Variants in GNAQ observed in about 807,000 individuals in gnomAD.
The protein encoded by GNAQ is guanine nucleotide-binding protein G(q) subunit alpha.
Under a neutral mutation model 43.9 loss-of-function variants are expected in GNAQ, and 8 were observed. That is an observed-to-expected ratio of 0.18 (90% CI 0.11 to 0.33). The LOEUF (loss-of-function observed/expected upper bound fraction) is 0.33, where lower values mean the gene tolerates loss of function less well. Ranked by LOEUF, GNAQ falls within the 10% of genes least tolerant of loss-of-function variation. The pLI, the probability that GNAQ is intolerant of heterozygous loss-of-function variation, is 1.00. For missense variants in GNAQ, 158 were observed against 450.8 expected (o/e 0.35, Z 5.88); for synonymous variants, 155 against 170.7 (o/e 0.91, Z 0.71).
At chr9:77,972,534 A>G (rs1283964804) in intron 1 of GNAQ, among the ~76,000 whole-genome samples, 4 of 152,224 alleles carry the variant, frequency 2.6e-5, no homozygotes, top group Admixed American at 1.3e-4. Context: ...TTTCCATAAT[A>G]AGTAAGTACT....
chr9:77,931,923 G>C (rs114858446), intron 1 of GNAQ, among the ~76,000 whole-genome samples: 1,543 of 146,980 alleles, frequency 0.01, 20 homozygotes, highest in African/African-American at 0.035. Flanking sequence ...AAAAATGAGA[G>C]AGTAGTCTGA....
intron 6 of GNAQ, among the ~76,000 whole-genome samples, chr9:77,723,795 G>A (rs964609757): frequency 9.2e-5 from 14 of 152,112 alleles, no homozygotes; most frequent in Non-Finnish European, 2.1e-4. Context: ...GGAAGGAAAT[G>A]GGGTGTTGCT....
intron 5 of GNAQ, among the ~76,000 whole-genome samples, chr9:77,792,084 A>G (rs1308422502): frequency 6.6e-6 from 1 of 152,152 alleles, no homozygotes; most frequent in Non-Finnish European, 1.5e-5. Context: ...TTTTGACAGT[A>G]CTTCCTAATT....
chr9:77,982,810 G>A (rs980223127), intron 1 of GNAQ, among the ~76,000 whole-genome samples: 6 of 151,384 alleles, frequency 4.0e-5, no homozygotes, highest in South Asian at 4.2e-4. Flanking sequence ...GTGGGGAGAG[G>A]GGGGAGGGAT....
chr9:77,745,689 G>C (rs1025509146), intron 5 of GNAQ, among the ~76,000 whole-genome samples: 6 of 150,572 alleles, frequency 4.0e-5, no homozygotes, highest in Non-Finnish European at 4.4e-5. Flanking sequence ...TCAGGAAGTA[G>C]AAAAAGCAAT....
chr9:77,899,441 G>C (rs1015737041), intron 2 of GNAQ, among the ~76,000 whole-genome samples: 25 of 152,068 alleles, frequency 1.6e-4, no homozygotes, highest in African/African-American at 6.0e-4. Context: ...GTGTGTCTGT[G>C]TGTGTGTGTA....
At chr9:77,975,198 T>C (rs528547605) in intron 1 of GNAQ, among the ~76,000 whole-genome samples, 48 of 152,212 alleles carry the variant, frequency 3.2e-4, no homozygotes, top group Non-Finnish European at 2.8e-4. Flanking sequence ...AAAATTGTAT[T>C]GCAGCAAACG....
At chr9:77,893,456 C>G (rs1175882327) in intron 2 of GNAQ, among the ~76,000 whole-genome samples, 1 of 152,156 alleles carries the variant, frequency 6.6e-6, no homozygotes, top group East Asian at 1.9e-4. Context: ...CACCCTTTTC[C>G]CGGAAAACTC....
intron 5 of GNAQ, among the ~76,000 whole-genome samples, chr9:77,776,640 T>G (rs1475066924): frequency 6.6e-6 from 1 of 152,132 alleles, no homozygotes; most frequent in African/African-American, 2.4e-5. Context: ...CAACAACAGT[T>G]TGAGACTTCA....
intron 2 of GNAQ, among the ~76,000 whole-genome samples, chr9:77,899,227 G>T (rs1828553291): frequency 6.6e-6 from 1 of 152,058 alleles, no homozygotes; most frequent in African/African-American, 2.4e-5. Context: ...CTCCCGAGTA[G>T]CTAGGATTAC....
chr9:77,964,580 A>C (rs1823143898), intron 1 of GNAQ, among the ~76,000 whole-genome samples: 2 of 152,142 alleles, frequency 1.3e-5, no homozygotes, highest in South Asian at 2.1e-4. Context: ...AGTCATATAA[A>C]ATATGGTCTC....
intron 2 of GNAQ, among the ~76,000 whole-genome samples, chr9:77,878,040 A>G (rs1437158017): frequency 6.6e-6 from 1 of 152,150 alleles, no homozygotes. Context: ...GTGTTCCATG[A>G]AGATAGAACA....
At chr9:77,855,891 T>G (rs919405752) in intron 2 of GNAQ, among the ~76,000 whole-genome samples, 4 of 152,324 alleles carry the variant, frequency 2.6e-5, no homozygotes, top group Middle Eastern at 3.4e-3. Context: ...AATTTAGTTC[T>G]TATATTTTAT....
In GNAQ at chr9:77,730,981, G is replaced by C. The variant is rs142114469; in HGVS notation, c.736-2314C>G. 7.2e-5 allele frequency among the ~76,000 whole-genome samples: 11 copies of C among 152,276 alleles called. No homozygotes were observed. In the East Asian group the frequency reaches 2.1e-3, roughly 29 times the overall value. ...CTTTTTAACCCCTTACTTATAACTA[G>C]AGAAATTCTAGAAAGTCATGCTGTG... On this transcript the variant is annotated intron_variant, in intron 5 of 6. Transcript: ENST00000286548.
chr9:77,730,893 TAAAA>T (rs1049566413), intron 5 of GNAQ, among the ~76,000 whole-genome samples: 1 of 151,786 alleles, frequency 6.6e-6, no homozygotes, highest in Non-Finnish European at 1.5e-5. Context: ...CTGAAATAAT[TAAAA>T]AAAAATTTAA....
At chr9:77,755,507 A>T (rs1050585146) in intron 5 of GNAQ, among the ~76,000 whole-genome samples, 40 of 152,264 alleles carry the variant, frequency 2.6e-4, no homozygotes, top group Non-Finnish European at 4.1e-4. Context: ...TAATTTTTTT[A>T]AAAAAAGAAA....
intron 2 of GNAQ, among the ~76,000 whole-genome samples, chr9:77,909,650 T>G (rs535199739): frequency 6.6e-6 from 1 of 151,804 alleles, no homozygotes; most frequent in African/African-American, 2.4e-5. Context: ...TCCTTTCAGT[T>G]ACATTTCAGT....
At position 77,794,502 on chromosome 9, in the gene GNAQ, A is replaced by T. The variant is rs2118443357; in HGVS notation, c.696T>A (p.Leu232=). 2.5e-6 allele frequency: 4 copies of T among 1,588,230 alleles called. No homozygotes were observed. The highest frequency in any genetic ancestry group is 3.5e-6 in the Non-Finnish European group (4 of 1,157,816). Residue 232 remains leucine (L), a synonymous_variant, in exon 5 of 7, where the codon CTT becomes CTA. Coordinates refer to ENST00000286548, the MANE Select transcript of GNAQ (RefSeq NM_002072.5). ...NVTSIMFLVA[L]SEYDQVLVES... is the part of the protein sequence containing the mutation. ...CCACGAGAACTTGATCATATTCACTAAGCGCTACTAGAAACATGATAGAGG... is the reference window on the plus strand; with the variant it reads ...CCACGAGAACTTGATCATATTCACTTAGCGCTACTAGAAACATGATAGAGG...
rs1399121650 is a variant in GNAQ at position 77,720,041 on chromosome 9, A to G, written c.*1282T>C. The G allele has an allele frequency of 8.6e-6, 2 of 232,700 alleles. No homozygotes were observed. Among genetic ancestry groups the G allele is most frequent in the Non-Finnish European group, 1.7e-5 (2 of 117,766 alleles). 14.4% of individuals were successfully genotyped at this position (232,700 alleles called of 1,614,324 possible). ...AGAGTAAAACTGGTTTCAAATAAAGAGACATAAACAGATTTCCTGTTAAAC... is the reference window on the plus strand; with the variant it reads ...AGAGTAAAACTGGTTTCAAATAAAGGGACATAAACAGATTTCCTGTTAAAC... On this transcript the variant is annotated 3_prime_UTR_variant, in exon 7 of 7. Coordinates refer to ENST00000286548, the MANE Select transcript of GNAQ (RefSeq NM_002072.5).
Sources: gnomAD v4.1 joint callset for allele counts (sites outside exome capture counted in the v4.1 genomes callset) on GRCh38, gnomAD v4.1.1 for gene constraint, MANE v1.5 for transcripts, NCBI Gene and HGNC (gene_info 2026-07-23, HGNC 2026-07-21) for gene names.